OR2L13: variants seen among roughly 807,000 people sequenced by gnomAD.
OR2L13 encodes olfactory receptor 2L13.
Under a neutral mutation model 15.3 loss-of-function variants are expected in OR2L13, and 14 were observed. That is an observed-to-expected ratio of 0.91 (90% CI 0.60 to 1.43). The LOEUF (loss-of-function observed/expected upper bound fraction) is 1.43, where lower values mean the gene tolerates loss of function less well. Among genes scored for constraint, OR2L13 ranks in the 40% most tolerant of loss-of-function variants. The pLI, the probability that OR2L13 is intolerant of heterozygous loss-of-function variation, is 0.00. For synonymous variants in OR2L13, 152 were observed against 142.9 expected (o/e 1.06, Z -0.45); for missense variants, 367 against 387.9 (o/e 0.95, Z 0.45).
the OR2L13 span, among the ~76,000 whole-genome samples, chr1:247,952,933 C>T: frequency 1.5e-3 from 225 of 152,206 alleles, 1 homozygote; most frequent in Middle Eastern, 0.017. Context: ...TAAATGGCAT[C>T]ACTGACATTT....
the OR2L13 span, among the ~76,000 whole-genome samples, chr1:248,046,452 G>A: frequency 6.6e-6 from 1 of 152,114 alleles, no homozygotes; most frequent in African/African-American, 2.4e-5. Context: ...TTCAGGCTAT[G>A]GAGTTTCATG....
exon 3 of OR2L13, chr1:248,100,242 C>T (rs1664830539): frequency 6.2e-7 from 1 of 1,613,238 alleles, no homozygotes; most frequent in Non-Finnish European, 8.5e-7. Context: ...CCATTATCTA[C>T]AGCCTGAGGA....
chr1:248,051,703 C>T, the OR2L13 span, among the ~76,000 whole-genome samples: 1 of 152,112 alleles, frequency 6.6e-6, no homozygotes, highest in African/African-American at 2.4e-5. Context: ...ATCCATGTAA[C>T]AAACCACGAT....
chr1:247,992,031 T>G, the OR2L13 span, among the ~76,000 whole-genome samples: 1 of 149,244 alleles, frequency 6.7e-6, no homozygotes, highest in South Asian at 2.1e-4. Flanking sequence ...AGATCTGAAC[T>G]GTACAGGTCC....
chr1:248,038,409 A>G, the OR2L13 span: 15 of 1,613,718 alleles, frequency 9.3e-6, no homozygotes, highest in East Asian at 3.3e-4. Flanking sequence ...GATTCTTCTC[A>G]TCTTTTTGGA....
At chr1:248,026,271 C>T in the OR2L13 span, among the ~76,000 whole-genome samples, 9,620 of 152,246 alleles carry the variant, frequency 0.063, 354 homozygotes, top group East Asian at 0.16. Flanking sequence ...ACAACGCGGA[C>T]TTGAACTGTG....
chr1:248,061,008 A>C, the OR2L13 span: 8 of 1,614,086 alleles, frequency 5.0e-6, no homozygotes, highest in Non-Finnish European at 5.9e-6. Context: ...TAGGAGGTGC[A>C]GAAGCACTAC....
At chr1:247,960,513 G>A in the OR2L13 span, among the ~76,000 whole-genome samples, 5 of 152,304 alleles carry the variant, frequency 3.3e-5, no homozygotes, top group South Asian at 1.0e-3. Context: ...GCTGCCTTTT[G>A]TTCAGGTATG....
chr1:248,095,607 C>CTTTTTTTTTTTTTTTTTGTTTTTTTTTTT (rs1664718064), upstream of OR2L13, among the ~76,000 whole-genome samples: 1 of 37,294 alleles, frequency 2.7e-5, no homozygotes, highest in Non-Finnish European at 5.4e-5. Context: ...AAAGCTGCTG[C>CTTTTTTTTTTTTTTTTTGTTTTTTTTTTT]TTTTTTTTTT....
the OR2L13 span, chr1:248,004,009 C>G: frequency 6.2e-7 from 1 of 1,613,862 alleles, no homozygotes; most frequent in Non-Finnish European, 8.5e-7. Context: ...GCCTGAGGAA[C>G]AAGGAGGTGA....
At chr1:248,090,656 T>C (rs929924547), upstream of OR2L13, among the ~76,000 whole-genome samples, 7 of 152,230 alleles carry the variant, frequency 4.6e-5, no homozygotes, top group African/African-American at 1.7e-4. Flanking sequence ...GTGGTGTATA[T>C]GTACTACGTT....
At chr1:248,003,779 T>C in the OR2L13 span, 2 of 1,613,908 alleles carry the variant, frequency 1.2e-6, no homozygotes, top group South Asian at 2.2e-5. Flanking sequence ...TTCATGTTCC[T>C]ATGGCCGGGT....
At chr1:248,025,787 A>C in the OR2L13 span, among the ~76,000 whole-genome samples, 1 of 151,918 alleles carries the variant, frequency 6.6e-6, no homozygotes, top group African/African-American at 2.4e-5. Flanking sequence ...GGATGAGTTC[A>C]TGTCCTTTGT....
At chr1:247,969,489 A>G in the OR2L13 span, among the ~76,000 whole-genome samples, 1 of 152,162 alleles carries the variant, frequency 6.6e-6, no homozygotes, top group South Asian at 2.1e-4. Flanking sequence ...TTGGTTATTA[A>G]CAAAGTGTAG....
chr1:247,990,687 T>C, the OR2L13 span: 1 of 1,531,436 alleles, frequency 6.5e-7, no homozygotes, highest in Non-Finnish European at 9.0e-7. Flanking sequence ...AAAGAGTGTG[T>C]GCACTGATGA....
At chr1:248,027,788 G>A in the OR2L13 span, among the ~76,000 whole-genome samples, 1 of 152,168 alleles carries the variant, frequency 6.6e-6, no homozygotes, top group South Asian at 2.1e-4. Context: ...TCATCTCCCT[G>A]TCTCATGACT....
At chr1:248,039,849 A>T in the OR2L13 span, 1 of 152,266 alleles carries the variant, frequency 6.6e-6, no homozygotes, top group East Asian at 1.9e-4. Context: ...CTTTTTCTTA[A>T]AGTAATGTTT....
At chr1:247,971,805 A>G in the OR2L13 span, among the ~76,000 whole-genome samples, 127,894 of 152,150 alleles carry the variant, frequency 0.84, 55,483 homozygotes, top group South Asian at 0.97. Flanking sequence ...CCCCAAATCA[A>G]TGGAATGTAC....
chr1:248,042,396 C>G, the OR2L13 span: 1 of 151,200 alleles, frequency 6.6e-6, no homozygotes, highest in Non-Finnish European at 1.5e-5. Context: ...GGGAGATATA[C>G]CTAATGCTAG....
Sources: gnomAD v4.1 joint callset for allele counts (sites outside exome capture counted in the v4.1 genomes callset) on GRCh38, gnomAD v4.1.1 for gene constraint, MANE v1.5 for transcripts, NCBI Gene and HGNC (gene_info 2026-07-23, HGNC 2026-07-21) for gene names.